Variants in AS3MT observed in about 807,000 individuals in gnomAD.
The protein encoded by AS3MT is S-adenosyl-L-methionine:arsenic(III) methyltransferase.
A neutral mutation model predicts 45.3 loss-of-function variants in AS3MT; 47 were observed. The ratio of observed to expected loss-of-function variants is 1.04; its 90% confidence interval spans 0.82 to 1.32. The LOEUF is 1.32. Among genes scored for constraint, AS3MT ranks in the 40% most tolerant of loss-of-function variants. The pLI is 0.00. For missense variants in AS3MT, 396 were observed against 451.1 expected (o/e 0.88, Z 1.11); for synonymous variants, 141 against 152.8 (o/e 0.92, Z 0.57).
chr10:102,887,408 T>C (rs1000748905), intron 9 of AS3MT, among the ~76,000 whole-genome samples: 2 of 152,146 alleles, frequency 1.3e-5, no homozygotes, highest in African/African-American at 4.8e-5. Flanking sequence ...TTACTGAGAG[T>C]GAGGTGTGGT....
intron 10 of AS3MT, among the ~76,000 whole-genome samples, chr10:102,892,457 G>GGGCA (rs1845085699): frequency 6.6e-6 from 1 of 152,078 alleles, no homozygotes. Context: ...AATCAAAAAT[G>GGGCA]GGCACACAGA....
Position 102,900,700 on chromosome 10 carries a change from A to G in AS3MT, c.1128A>G (p.Ter376=). 1.2e-6 allele frequency: 2 copies of G among 1,612,620 alleles called. No individual in the cohort carries two copies. Among genetic ancestry groups the G allele is most frequent in the Non-Finnish European group, 1.7e-6 (2 of 1,178,618 alleles). ...GGCCGTKKSC[*] ...GCTGTGGCACAAAGAAAAGCTGCTA[A>G]ATCTATAGCCAACCAGGGGACCACA... Residue 376 remains the stop codon, a stop_retained_variant, in exon 11 of 11, where the codon TAA becomes TAG. Coordinates refer to ENST00000369880, the MANE Select transcript of AS3MT (RefSeq NM_020682.4).
chr10:102,899,996 T>G (rs1273285535), intron 10 of AS3MT, among the ~76,000 whole-genome samples: 1 of 152,208 alleles, frequency 6.6e-6, no homozygotes, highest in Non-Finnish European at 1.5e-5. Context: ...ATCTTTGTAC[T>G]TGGCTTTTCT....
At chr10:102,897,219 C>A (rs1322728558) in intron 10 of AS3MT, among the ~76,000 whole-genome samples, 1 of 151,456 alleles carries the variant, frequency 6.6e-6, no homozygotes, top group Non-Finnish European at 1.5e-5. Flanking sequence ...CCCGTCTCTA[C>A]TAAAAATACA....
At chr10:102,884,476 C>T (rs1390384961) in intron 9 of AS3MT, among the ~76,000 whole-genome samples, 2 of 124,934 alleles carry the variant, frequency 1.6e-5, no homozygotes, top group Admixed American at 2.2e-4. Flanking sequence ...TTTTGAAATT[C>T]CACATATAAT....
intron 9 of AS3MT, among the ~76,000 whole-genome samples, chr10:102,880,181 G>A (rs1321328488): frequency 6.6e-6 from 1 of 152,118 alleles, no homozygotes; most frequent in Non-Finnish European, 1.5e-5. Context: ...TTGGATGATG[G>A]CACTAATTGG....
At position 102,870,118 on chromosome 10, in the gene AS3MT, A is replaced by T; in HGVS notation, c.77A>T (p.Asp26Val). 6.2e-7 allele frequency: 1 copy of T among 1,613,908 alleles called. No homozygotes were observed. The highest frequency in any genetic ancestry group is 1.3e-5 in the African/African-American group (1 of 74,952). ...YYGQVLKRSA[D>V]LQTNGCVTTA... The stretch of plus-strand genomic sequence containing the variant: ...GGGCAGGTGCTGAAGAGATCGGCAG[A>T]CCTCCAGACCAACGGCTGTGTCACC... Residue 26 changes from aspartate (D) to valine (V), a missense_variant, in exon 3 of 11, where the codon GAC becomes GTC. Asp to Val is a radical substitution (Grantham distance 152, BLOSUM62 -3). Transcript: ENST00000369880.
chr10:102,896,670 G>C (rs570080508), intron 10 of AS3MT, among the ~76,000 whole-genome samples: 27 of 152,160 alleles, frequency 1.8e-4, no homozygotes, highest in African/African-American at 6.5e-4. Context: ...TTAGCCGGGC[G>C]TGGTGGCATG....
At chr10:102,884,669 C>T (rs1438067728) in intron 9 of AS3MT, among the ~76,000 whole-genome samples, 4 of 152,014 alleles carry the variant, frequency 2.6e-5, no homozygotes, top group African/African-American at 4.8e-5. Context: ...GTCTCAGCCT[C>T]CTGAGTAGCA....
chr10:102,876,434 C>G (rs938418290), intron 6 of AS3MT, among the ~76,000 whole-genome samples: 3 of 151,494 alleles, frequency 2.0e-5, no homozygotes, highest in African/African-American at 7.3e-5. Context: ...TGCCACCATG[C>G]CCAGCTAGTT....
At chr10:102,874,011 T>C (rs1844738996) in intron 5 of AS3MT, among the ~76,000 whole-genome samples, 1 of 151,954 alleles carries the variant, frequency 6.6e-6, no homozygotes, top group Non-Finnish European at 1.5e-5. Flanking sequence ...TCCCAGCATT[T>C]TGGGAGGCCG....
At chr10:102,887,779 T>G (rs182040503) in intron 9 of AS3MT, 3,672 of 152,468 alleles carry the variant, frequency 0.024, 68 homozygotes, top group Non-Finnish European at 0.037. Flanking sequence ...TCCTTTTTTT[T>G]GGGGGGGGTT....
intron 10 of AS3MT, among the ~76,000 whole-genome samples, chr10:102,897,315 C>T (rs1371907071): frequency 4.0e-5 from 6 of 150,490 alleles, no homozygotes; most frequent in African/African-American, 1.5e-4. Flanking sequence ...ACCCGGGAGG[C>T]GGAGCTTGCA....
At chr10:102,878,801 C>T (rs370398092) in intron 8 of AS3MT, 48 bp from the exon 9 acceptor site, 5 of 1,590,656 alleles carry the variant, frequency 3.1e-6, no homozygotes, top group Non-Finnish European at 3.4e-6. Flanking sequence ...AGCAAGGCAA[C>T]AACTGGGGGA....
chr10:102,893,576 A>G (rs1335089571), intron 10 of AS3MT, among the ~76,000 whole-genome samples: 1 of 148,550 alleles, frequency 6.7e-6, no homozygotes, highest in Non-Finnish European at 1.5e-5. Context: ...GCTCACTGCA[A>G]CCTCTGCCTC....
chr10:102,884,417 C>G (rs570064137), intron 9 of AS3MT, among the ~76,000 whole-genome samples: 3 of 149,440 alleles, frequency 2.0e-5, no homozygotes, highest in African/African-American at 7.4e-5. Flanking sequence ...CACCCCCTAC[C>G]CCCAGCCCCT....
intron 9 of AS3MT, among the ~76,000 whole-genome samples, chr10:102,886,783 A>C (rs1267790320): frequency 3.3e-5 from 5 of 151,874 alleles, no homozygotes; most frequent in Non-Finnish European, 7.4e-5. Flanking sequence ...TGCCTGGCTG[A>C]TTTTTGTATT....
intron 10 of AS3MT, among the ~76,000 whole-genome samples, chr10:102,892,504 C>T (rs533911588): frequency 2.3e-3 from 346 of 152,172 alleles, no homozygotes; most frequent in African/African-American, 7.3e-3. Context: ...ACTCTGCCTC[C>T]TGGGTTATTA....
chr10:102,873,321 C>A, intron 5 of AS3MT, 88 bp downstream of exon 5: 1 of 1,105,644 alleles, frequency 9.0e-7, no homozygotes, highest in Non-Finnish European at 1.2e-6. Flanking sequence ...CGCTCTGTCA[C>A]CCAGGCCAGA....
Sources: gnomAD v4.1 joint callset for allele counts (sites outside exome capture counted in the v4.1 genomes callset) on GRCh38, gnomAD v4.1.1 for gene constraint, MANE v1.5 for transcripts, NCBI Gene and HGNC (gene_info 2026-07-23, HGNC 2026-07-21) for gene names.